ADAR: variants seen among roughly 807,000 people sequenced by gnomAD.
The protein encoded by ADAR is adenosine deaminase RNA specific, also known as double-stranded RNA-specific adenosine deaminase.
ADAR carries 41 observed loss-of-function variants against 113.2 expected under a neutral mutation model. The observed-to-expected ratio is 0.36, with a 90% CI of 0.28 to 0.47. The LOEUF (loss-of-function observed/expected upper bound fraction) is 0.47, where lower values mean the gene tolerates loss of function less well. Ranked by LOEUF, ADAR falls within the 20% of genes least tolerant of loss-of-function variation. ADAR has a pLI of 1.00. For missense variants in ADAR, 1,242 were observed against 1,540.9 expected (o/e 0.81, Z 3.25); for synonymous variants, 605 against 572.6 (o/e 1.06, Z -0.81).
intron 3 of ADAR, 66 bp from the exon 4 acceptor site, chr1:154,598,042 A>G (rs1697621684): frequency 1.3e-6 from 2 of 1,549,770 alleles, no homozygotes; most frequent in South Asian, 2.3e-5. Context: ...ATCACAGAAG[A>G]AGGGATGGGG....
At position 154,582,847 on chromosome 1, in the gene ADAR, C is replaced by T. The variant is rs996857778; in HGVS notation, c.*1959G>A. 1 of 152,248 alleles carries T rather than the reference C, an allele frequency of 6.6e-6. No individual in the cohort carries two copies. Among genetic ancestry groups the T allele is most frequent in the Admixed American group, 6.5e-5 (1 of 15,286 alleles). 9.4% of individuals were successfully genotyped at this position (152,248 alleles called of 1,614,324 possible). On this transcript the variant is annotated 3_prime_UTR_variant, in exon 15 of 15. Coordinates refer to ENST00000368474, the MANE Select transcript of ADAR (RefSeq NM_001111.5). ...GTGCCAAGACTGATTTACTGTGCCC[C>T]CAGCAGACCCAGAGCCAGGGAGCAG...
At chr1:154,588,441 G>T in intron 10 of ADAR, 110 bp downstream of exon 10, 1 of 1,520,820 alleles carries the variant, frequency 6.6e-7, no homozygotes, top group Admixed American at 1.7e-5. Flanking sequence ...ACCCACAGTG[G>T]AGTGTGGCTT....
chr1:154,601,458 G>C lies in ADAR; in HGVS notation c.1184C>G (p.Pro395Arg), dbSNP rs1697864756. Residue 395 changes from proline to arginine, a missense_variant, in exon 2 of 15, where the codon CCC (proline) becomes CGC (arginine). This residue lies in a region of ADAR where 462 missense variants were observed against 483.1 expected (regional missense o/e 0.96). Coordinates refer to ENST00000368474, the MANE Select transcript of ADAR (RefSeq NM_001111.5). The surrounding 1 kb of genome is among the most constrained non-coding windows in gnomAD (Gnocchi z 4.7). ...CATGTTATTTGAGGCATTTGATGTG[G>C]GTATATTACAGGTGAGGAACTCTGC... ...RNAEFLTCNI[P>R]TSNASNNMVT... 1.2e-6 allele frequency: 2 copies of C among 1,614,046 alleles called. No individual in the cohort carries two copies. Among genetic ancestry groups the C allele is most frequent in the Non-Finnish European group, 8.5e-7 (1 of 1,180,036 alleles).
chr1:154,621,470 T>C (rs1698790620), intron 1 of ADAR, among the ~76,000 whole-genome samples: 1 of 152,230 alleles, frequency 6.6e-6, no homozygotes, highest in Non-Finnish European at 1.5e-5. Context: ...TAAAATTGTT[T>C]GCTTTTTACC....
intron 1 of ADAR, among the ~76,000 whole-genome samples, chr1:154,622,962 G>A (rs1430084243): frequency 6.6e-6 from 1 of 152,198 alleles, no homozygotes; most frequent in South Asian, 2.1e-4. Context: ...TCAATGAGGA[G>A]AGACAGGCAA....
chr1:154,583,668 T>A lies in ADAR; in HGVS notation c.*1138A>T, dbSNP rs1291493928. 6.6e-6 allele frequency: 1 copy of A among 152,244 alleles called. No homozygotes were observed. Among genetic ancestry groups the A allele is most frequent in the African/African-American group, 2.4e-5 (1 of 41,456 alleles). 9.4% of individuals were successfully genotyped at this position (152,244 alleles called of 1,614,324 possible). A position where few individuals can be genotyped will look rare whatever the true frequency, so the allele number is the denominator to read the frequency against. On this transcript the variant is annotated 3_prime_UTR_variant, in exon 15 of 15. Coordinates refer to ENST00000368474, the MANE Select transcript of ADAR (RefSeq NM_001111.5). ...AAGTATGCCTGAATTTTAAATCTGC[T>A]CAATTACAGGTTATCTGTAGCAGTT...
At chr1:154,622,840 A>T (rs1698828650) in intron 1 of ADAR, among the ~76,000 whole-genome samples, 1 of 152,242 alleles carries the variant, frequency 6.6e-6, no homozygotes, top group Admixed American at 6.5e-5. Context: ...TTTACTGAAC[A>T]TATACTATAT....
intron 6 of ADAR, among the ~76,000 whole-genome samples, chr1:154,591,386 G>A (rs758509807): frequency 1.2e-4 from 19 of 152,358 alleles, no homozygotes; most frequent in Non-Finnish European, 1.8e-4. Flanking sequence ...GACCTGGAGA[G>A]GTCATTAGGT....
At chr1:154,589,690 AG>A in intron 8 of ADAR, 66 bp downstream of exon 8, 1 of 1,591,108 alleles carries the variant, frequency 6.3e-7, no homozygotes, top group Non-Finnish European at 8.6e-7. Context: ...CATGGACTCC[AG>A]GGGAGGATGA....
At chr1:154,606,040 C>G in intron 1 of ADAR, 1 of 779,908 alleles carries the variant, frequency 1.3e-6, no homozygotes, top group Non-Finnish European at 1.6e-6. Context: ...GAGTCTCGCT[C>G]TGTTGCCAAG....
At chr1:154,627,913 G>GGCCCCC in exon 1 of ADAR, 2 of 517,176 alleles carry the variant, frequency 3.9e-6, no homozygotes, top group Non-Finnish European at 7.7e-6. Flanking sequence ...GTGCGGCCGC[G>GGCCCCC]ACCCTCCCCC....
exon 1 of ADAR, chr1:154,627,917 C>G (rs1356665570): frequency 2.0e-6 from 1 of 505,894 alleles, no homozygotes; most frequent in African/African-American, 2.0e-5. Context: ...GGCCGCGACC[C>G]TCCCCCCACC....
At chr1:154,588,717 G>C in intron 9 of ADAR, 44 bp from the exon 10 acceptor site, 1 of 1,613,422 alleles carries the variant, frequency 6.2e-7, no homozygotes, top group African/African-American at 1.3e-5. Context: ...TCAATTCTGG[G>C]AAAAGCAGTT....
intron 11 of ADAR, 22 bp from the exon 12 acceptor site, chr1:154,586,385 G>A: frequency 6.2e-7 from 1 of 1,612,960 alleles, no homozygotes; most frequent in Non-Finnish European, 8.5e-7. Flanking sequence ...ACTTGGGTCA[G>A]ACCCACAGGC....
At position 154,584,885 on chromosome 1, in the gene ADAR, T is replaced by C; in HGVS notation, c.3602A>G (p.Lys1201Arg). 6.2e-7 allele frequency: 1 copy of C among 1,614,186 alleles called. No individual in the cohort carries two copies. Among genetic ancestry groups the C allele is most frequent in the South Asian group, 1.1e-5 (1 of 91,074 alleles). The change falls in exon 15 of 15, where the codon AAA (lysine) becomes AGA (arginine). Residue 1201 changes from lysine to arginine, a missense_variant. This residue lies in a region of ADAR where 780 missense variants were observed against 1,057.9 expected (regional missense o/e 0.74). Coordinates refer to ENST00000368474, the MANE Select transcript of ADAR (RefSeq NM_001111.5). ...CCCATAGCCCATATCCTTCAGGCCT[T>C]TTTTGAAGTAGTTCTTGGCCGTCTC... ...DYETAKNYFKKGLKDMGYGNW... is the reference protein window; with the variant it reads ...DYETAKNYFKRGLKDMGYGNW...
At chr1:154,605,025 A>G (rs1222378386) in intron 1 of ADAR, among the ~76,000 whole-genome samples, 1 of 151,904 alleles carries the variant, frequency 6.6e-6, no homozygotes, top group African/African-American at 2.4e-5. Context: ...TAATGGCATC[A>G]CTCTCCTCCT....
intron 13 of ADAR, 25 bp from the exon 14 acceptor site, chr1:154,585,369 GA>G: frequency 6.2e-7 from 1 of 1,613,992 alleles, no homozygotes; most frequent in Non-Finnish European, 8.5e-7. Flanking sequence ...AGCAACGGGA[GA>G]AAGATGGAAA....
chr1:154,611,658 T>A (rs1698491770), upstream of ADAR, among the ~76,000 whole-genome samples: 7 of 152,216 alleles, frequency 4.6e-5, no homozygotes, highest in South Asian at 1.4e-3. Flanking sequence ...TCCCCGTGCG[T>A]AACGGCACTG....
intron 6 of ADAR, among the ~76,000 whole-genome samples, chr1:154,590,933 G>GA (rs1697107132): frequency 1.3e-5 from 2 of 152,010 alleles, no homozygotes; most frequent in Non-Finnish European, 2.9e-5. Flanking sequence ...CAGCCTGCGC[G>GA]AGACAGCAAG....
Sources: allele counts gnomAD v4.1 joint callset (sites outside exome capture counted in the v4.1 genomes callset), GRCh38; gene constraint gnomAD v4.1.1; regional missense constraint gnomAD v4.1.1; non-coding constraint Gnocchi (gnomAD v3.1); transcripts MANE v1.5; gene names NCBI Gene and HGNC (gene_info 2026-07-23, HGNC 2026-07-21).